NAALADL2: variants seen among roughly 807,000 people sequenced by gnomAD.
NAALADL2 encodes inactive N-acetylated-alpha-linked acidic dipeptidase-like protein 2.
Under a neutral mutation model 87.2 loss-of-function variants are expected in NAALADL2, and 76 were observed. That is an observed-to-expected ratio of 0.87 (90% CI 0.72 to 1.05). NAALADL2 has a LOEUF of 1.05. Ranked by LOEUF, NAALADL2 falls within the 50% of genes least tolerant of loss-of-function variation. The pLI is 0.00. For synonymous variants in NAALADL2, 354 were observed against 331.0 expected, an observed-to-expected ratio of 1.07 and a Z score of -0.75; for missense variants, 1,089 against 945.8, an observed-to-expected ratio of 1.15 and a Z score of -1.99.
chr3:174,651,419 G>A (rs1724351216), intron 2 of NAALADL2, among the ~76,000 whole-genome samples: 1 of 152,118 alleles, frequency 6.6e-6, no homozygotes, highest in South Asian at 2.1e-4. Flanking sequence ...ATGTGGACAA[G>A]CAATATTAAG....
At chr3:174,525,116 C>T (rs1191642373) in intron 1 of NAALADL2, among the ~76,000 whole-genome samples, 1 of 152,148 alleles carries the variant, frequency 6.6e-6, no homozygotes, top group South Asian at 2.1e-4. Context: ...GACAAAATCA[C>T]CTAACAGTGC....
chr3:175,393,147 G>A (rs1769278649), intron 5 of NAALADL2, among the ~76,000 whole-genome samples: 3 of 150,650 alleles, frequency 2.0e-5, no homozygotes, highest in East Asian at 1.9e-4. Context: ...GGTGGCGGGC[G>A]CCTGTAGTCC....
chr3:174,910,234 T>C (rs1361914668), intron 1 of NAALADL2, among the ~76,000 whole-genome samples: 1 of 152,002 alleles, frequency 6.6e-6, no homozygotes, highest in Non-Finnish European at 1.5e-5. Context: ...AAAGTAAACA[T>C]TACCCATAAA....
At chr3:174,513,774 G>C (rs1719754694) in intron 1 of NAALADL2, among the ~76,000 whole-genome samples, 1 of 152,114 alleles carries the variant, frequency 6.6e-6, no homozygotes, top group Non-Finnish European at 1.5e-5. Context: ...TAAATATCTG[G>C]ATTTGGAGGG....
At chr3:174,566,182 T>A (rs1212850436) in intron 2 of NAALADL2, among the ~76,000 whole-genome samples, 4 of 151,976 alleles carry the variant, frequency 2.6e-5, no homozygotes, top group African/African-American at 9.7e-5. Context: ...CTTATCACTC[T>A]TGTGACTTAA....
chr3:175,520,280 C>A (rs1435233124), intron 9 of NAALADL2, among the ~76,000 whole-genome samples: 1 of 133,948 alleles, frequency 7.5e-6, no homozygotes, highest in Non-Finnish European at 1.5e-5. Flanking sequence ...CTAAAGAATG[C>A]AATTTTTTTT....
rs780753037 is a variant in NAALADL2, at chr3:175,097,076, T to C, written c.330T>C (p.Tyr110=). Residue 110 remains tyrosine (Y), a synonymous_variant, in exon 2 of 14, where the codon TAT becomes TAC. Coordinates refer to ENST00000454872, the MANE Select transcript of NAALADL2 (RefSeq NM_207015.3). ...AAGAATCTGACTACATTACCCATTA[T>C]ACACGATCTGCACCAAAGAGCAATC... ...LQEESDYITH[Y]TRSAPKSNRC... 9 of 1,613,682 alleles carry C rather than the reference T, an allele frequency of 5.6e-6. No homozygotes were observed. In the South Asian group the frequency reaches 7.7e-5, roughly 14 times the overall value.
intron 3 of NAALADL2, among the ~76,000 whole-genome samples, chr3:175,237,205 C>T (rs1746058867): frequency 6.6e-6 from 1 of 152,072 alleles, no homozygotes; most frequent in Non-Finnish European, 1.5e-5. Context: ...AGCCTATTCC[C>T]TTTCTTCTAG....
In NAALADL2 at chr3:174,623,059, C is replaced by G. The variant is rs182986561; in HGVS notation, c.-115+72422C>G. ...CTCCGTCTCAAAAAAAAAGAGGACT[C>G]ATCTGTCTGAAATGGTGGGCATCCC... On this transcript the variant is annotated intron_variant, in intron 2 of 3. Coordinates refer to the NAALADL2 transcript ENST00000434257. Among the ~76,000 whole-genome samples, 334 of 152,222 alleles carry G rather than the reference C, an allele frequency of 2.2e-3. 1 individual carries two copies. The highest frequency in any genetic ancestry group is 7.7e-3 in the African/African-American group (319 of 41,538).
chr3:175,582,798 A>G (rs1279854852), intron 10 of NAALADL2, among the ~76,000 whole-genome samples: 2 of 152,342 alleles, frequency 1.3e-5, no homozygotes, highest in East Asian at 3.9e-4. Context: ...AGAAGTTCTC[A>G]TCATTGACTT....
At chr3:174,505,591 C>A (rs78881642) in intron 1 of NAALADL2, among the ~76,000 whole-genome samples, 4,792 of 152,136 alleles carry the variant, frequency 0.031, 243 homozygotes, top group African/African-American at 0.11. Context: ...GCTATAAAGT[C>A]ATCATAACAT....
intron 1 of NAALADL2, among the ~76,000 whole-genome samples, chr3:174,442,179 CAGG>C (rs893102323): frequency 6.6e-6 from 1 of 152,122 alleles, no homozygotes; most frequent in African/African-American, 2.4e-5. Context: ...TTCCTGTCCT[CAGG>C]AGAAGGGACC....
intron 11 of NAALADL2, among the ~76,000 whole-genome samples, chr3:175,689,834 C>T (rs1209344067): frequency 6.6e-6 from 1 of 152,042 alleles, no homozygotes; most frequent in Non-Finnish European, 1.5e-5. Flanking sequence ...ACCCAGGGGG[C>T]ATTATTAGCT....
intron 1 of NAALADL2, among the ~76,000 whole-genome samples, chr3:174,445,796 C>G (rs1029549220): frequency 6.6e-6 from 1 of 151,712 alleles, no homozygotes; most frequent in Non-Finnish European, 1.5e-5. Context: ...ATATTTTTTC[C>G]CTTTGAGCCA....
intron 10 of NAALADL2, among the ~76,000 whole-genome samples, chr3:175,611,226 A>G (rs1724605133): frequency 6.6e-6 from 1 of 152,152 alleles, no homozygotes; most frequent in Admixed American, 6.5e-5. Context: ...TGATTAAGGC[A>G]CTTTTACAAA....
intron 10 of NAALADL2, among the ~76,000 whole-genome samples, chr3:175,589,120 TAGAA>T (rs760976791): frequency 5.6e-4 from 85 of 152,276 alleles, no homozygotes; most frequent in African/African-American, 1.9e-3. Context: ...ATTAAAACAG[TAGAA>T]AGAAAGAAGG....
chr3:175,489,804 C>G lies in NAALADL2; in HGVS notation c.1653+18046C>G, dbSNP rs190973796. On this transcript the variant is annotated intron_variant, in intron 9 of 13. Transcript: ENST00000454872. The stretch of plus-strand genomic sequence containing the variant: ...TTCTTTTGAGTCTTCTACTCCAAAA[C>G]CAAATATACTCTCATTTTAAAAATA... Among the ~76,000 whole-genome samples, 675 of 152,270 alleles carry G rather than the reference C, an allele frequency of 4.4e-3. 6 individuals carry two copies. Among genetic ancestry groups the G allele is most frequent in the African/African-American group, 0.016 (658 of 41,546 alleles).
intron 5 of NAALADL2, among the ~76,000 whole-genome samples, chr3:175,410,458 G>A (rs141533377): frequency 6.6e-6 from 1 of 152,066 alleles, no homozygotes. Flanking sequence ...TCAGGAAACA[G>A]ATCTTCTCTT....
intron 1 of NAALADL2, among the ~76,000 whole-genome samples, chr3:174,933,005 T>A (rs1277916123): frequency 6.6e-6 from 1 of 152,062 alleles, no homozygotes; most frequent in Non-Finnish European, 1.5e-5. Flanking sequence ...TAATCCCAGC[T>A]ACTTGGGAGG....
Sources: gnomAD v4.1 joint callset for allele counts (sites outside exome capture counted in the v4.1 genomes callset) on GRCh38, gnomAD v4.1.1 for gene constraint, MANE v1.5 for transcripts, NCBI Gene and HGNC (gene_info 2026-07-23, HGNC 2026-07-21) for gene names.